Variants in FNBP4 observed in about 807,000 individuals in gnomAD.
FNBP4 encodes formin-binding protein 4.
A neutral mutation model predicts 119.3 loss-of-function variants in FNBP4; 34 were observed. The ratio of observed to expected loss-of-function variants is 0.28; its 90% CI spans 0.22 to 0.38. The LOEUF is 0.38. Ranked by LOEUF, FNBP4 falls within the 10% of genes least tolerant of loss-of-function variation. The pLI is 1.00. For missense variants in FNBP4, 1,112 were observed against 1,228.9 expected, an observed-to-expected ratio of 0.90 and a Z score of 1.42; for synonymous variants, 462 against 430.6, an observed-to-expected ratio of 1.07 and a Z score of -0.90.
intron 6 of FNBP4, among the ~76,000 whole-genome samples, chr11:47,748,540 A>G (rs190138873): frequency 6.6e-6 from 1 of 151,862 alleles, no homozygotes; most frequent in Admixed American, 6.6e-5. Flanking sequence ...TTGCCTGGGT[A>G]ATTTTTCTTT....
intron 7 of FNBP4, 77 bp downstream of exon 7, chr11:47,745,979 T>C (rs1377852784): frequency 3.2e-6 from 4 of 1,246,488 alleles, no homozygotes; most frequent in Middle Eastern, 2.0e-4. Context: ...CCAATAATGG[T>C]TGTAAGTCAA....
chr11:47,723,231 ACCCATTCCTGCTG>A lies in FNBP4; in HGVS notation c.2537_2549del (p.Ala846ValfsTer7). 1 of 1,614,044 alleles carries A rather than the reference ACCCATTCCTGCTG, an allele frequency of 6.2e-7. No homozygotes were observed. Among genetic ancestry groups the A allele is most frequent in the Non-Finnish European group, 8.5e-7 (1 of 1,179,970 alleles). On this transcript the variant is annotated frameshift_variant, in exon 15 of 17. Transcript: ENST00000263773. LOFTEE classifies it high-confidence loss of function. Reference sequence around the variant, plus strand: ...GCAGGCTCATTCCTCTGGCCTGATGACCCATTCCTGCTGCTGGAAGGCTAACTGGTATTGTCTG... The same window carrying A: ...GCAGGCTCATTCCTCTGGCCTGATGACTGGAAGGCTAACTGGTATTGTCTG...
At position 47,741,754 on chromosome 11, in the gene FNBP4, T is replaced by A. The variant is rs180737095; in HGVS notation, c.1456+2199A>T. Among the ~76,000 whole-genome samples the A allele has an allele frequency of 6.5e-3, 980 of 151,868 alleles. 7 individuals carry two copies. The highest frequency in any genetic ancestry group is 0.023 in the African/African-American group (934 of 41,352). ...TCGCTTGAACTCGGAGGGTGGAGGT[T>A]GCAGTGAGCTAAGATCATCCACTGC... On this transcript the variant is annotated intron_variant, in intron 8 of 16. Transcript: ENST00000263773.
chr11:47,731,891 T>C, intron 11 of FNBP4: 21 of 1,028,380 alleles, frequency 2.0e-5, no homozygotes, highest in Non-Finnish European at 2.4e-5. Context: ...CTCAATCGCC[T>C]AGAACACTAA....
At chr11:47,747,567 A>G (rs549496400) in intron 6 of FNBP4, among the ~76,000 whole-genome samples, 1 of 152,252 alleles carries the variant, frequency 6.6e-6, no homozygotes, top group African/African-American at 2.4e-5. Context: ...TCAGCCTCCG[A>G]AAGTGCTGGG....
At chr11:47,762,130 G>A (rs1389012570) in intron 2 of FNBP4, among the ~76,000 whole-genome samples, 1 of 138,966 alleles carries the variant, frequency 7.2e-6, no homozygotes, top group Non-Finnish European at 1.6e-5. Context: ...GAGGCACAGC[G>A]TCTGGCTGTT....
intron 12 of FNBP4, chr11:47,726,548 CCTT>C (rs1166121300): frequency 6.6e-6 from 1 of 151,592 alleles, no homozygotes; most frequent in Non-Finnish European, 1.5e-5. Context: ...CCCACTGTCT[CCTT>C]ATTTTAAGAC....
rs374015807 is a variant in FNBP4 at position 47,724,011 on chromosome 11, G to T, written c.2464+17C>A. ...AAACAATACATTGAGGAAAAACCACGCTCTATGCACAATTACCTGTAGCTA... is the reference window on the plus strand; with the variant it reads ...AAACAATACATTGAGGAAAAACCACTCTCTATGCACAATTACCTGTAGCTA... On this transcript the variant is annotated intron_variant, in intron 14 of 16. Coordinates refer to ENST00000263773, the MANE Select transcript of FNBP4 (RefSeq NM_015308.5). The T allele has an allele frequency of 3.1e-6, 5 of 1,606,738 alleles. No homozygotes were observed. The African/African-American group carries it at 6.7e-5, about 22-fold the overall frequency.
rs35490791 is a variant in FNBP4, at chr11:47,728,848, CTTT to C, written c.2008+2523_2008+2525del. 2.0e-4 allele frequency among the ~76,000 whole-genome samples: 23 copies of C among 113,560 alleles called. 1 individual carries two copies. The East Asian group carries it at 4.0e-3, about 20-fold the overall frequency. The allele number at this position is 113,560 out of a possible 152,430, so 74.5% of individuals were successfully genotyped here. On this transcript the variant is annotated intron_variant, in intron 12 of 16. Transcript: ENST00000263773. The stretch of plus-strand genomic sequence containing the variant: ...CTAAGAACCTTGCTTCTGTAGGCGT[CTTT>C]TTTTTTTTTTTTTTTTTTAGATAAA...
chr11:47,746,801 G>A (rs1028492864), intron 6 of FNBP4, among the ~76,000 whole-genome samples: 12 of 151,874 alleles, frequency 7.9e-5, no homozygotes, highest in African/African-American at 1.9e-4. Flanking sequence ...GTGAGCCACC[G>A]TGCCCGGCCA....
intron 4 of FNBP4, 159 bp downstream of exon 4, chr11:47,752,757 C>T (rs1176013441): frequency 1.7e-6 from 1 of 597,398 alleles, no homozygotes; most frequent in South Asian, 2.3e-5. Flanking sequence ...GAGGTTGGAG[C>T]GAGCCAAGAT....
intron 12 of FNBP4, chr11:47,729,181 C>G (rs571214592): frequency 2.0e-6 from 2 of 985,292 alleles, no homozygotes; most frequent in Admixed American, 6.1e-5. Context: ...GTATAGAAAG[C>G]CTTCCTTAAT....
chr11:47,763,011 C>T (rs143228899), intron 2 of FNBP4, among the ~76,000 whole-genome samples: 2 of 150,886 alleles, frequency 1.3e-5, no homozygotes, highest in African/African-American at 2.4e-5. Flanking sequence ...ACTAGGATTA[C>T]AGGCATGAGC....
Position 47,732,514 on chromosome 11 carries a change from G to GA in FNBP4, c.1820+22dup. ...GTCTGAGATGTCAAAGGTGAAAGGTGAAAAGGGGAGAAGAGTGCGTACCTG... is the reference window on the plus strand; with the variant it reads ...GTCTGAGATGTCAAAGGTGAAAGGTGAAAAAGGGGAGAAGAGTGCGTACCTG... On this transcript the variant is annotated intron_variant, in intron 11 of 16. Coordinates refer to ENST00000263773, the MANE Select transcript of FNBP4 (RefSeq NM_015308.5). The surrounding 1 kb of genome is among the most constrained non-coding windows in gnomAD (Gnocchi z 4.2). 6.2e-7 allele frequency: 1 copy of GA among 1,613,914 alleles called. No individual in the cohort carries two copies.
At chr11:47,737,097 A>G (rs960611311) in intron 8 of FNBP4, among the ~76,000 whole-genome samples, 3 of 152,050 alleles carry the variant, frequency 2.0e-5, no homozygotes, top group Non-Finnish European at 2.9e-5. Context: ...CAACTGAGGC[A>G]GGAGATATGC....
At chr11:47,766,592 G>A (rs1261177594) in intron 1 of FNBP4, among the ~76,000 whole-genome samples, 3 of 152,246 alleles carry the variant, frequency 2.0e-5, no homozygotes, top group Non-Finnish European at 2.9e-5. Context: ...CATTTCTCCA[G>A]CAGTTCTGCT....
intron 1 of FNBP4, among the ~76,000 whole-genome samples, chr11:47,765,573 G>A (rs768081597): frequency 9.0e-6 from 1 of 110,818 alleles, no homozygotes. Flanking sequence ...AAGACGGGGG[G>A]GGGGGGGGGC....
intron 15 of FNBP4, among the ~76,000 whole-genome samples, chr11:47,721,835 T>G (rs952088211): frequency 6.6e-6 from 1 of 151,060 alleles, no homozygotes; most frequent in Non-Finnish European, 1.5e-5. Flanking sequence ...ATTCAAAATA[T>G]TGCCTTTATC....
chr11:47,761,827 T>C (rs1250815078), intron 2 of FNBP4, among the ~76,000 whole-genome samples: 1 of 151,040 alleles, frequency 6.6e-6, no homozygotes, highest in Non-Finnish European at 1.5e-5. Context: ...ACTAAAGAAC[T>C]CCAAGAATTT....
Sources: gnomAD v4.1 joint callset for allele counts (sites outside exome capture counted in the v4.1 genomes callset) on GRCh38, gnomAD v4.1.1 for gene constraint, Gnocchi (gnomAD v3.1) non-coding constraint, MANE v1.5 for transcripts, NCBI Gene and HGNC (gene_info 2026-07-23, HGNC 2026-07-21) for gene names.